The following NAV2 variants were observed in gnomAD, a reference collection of about 807,000 sequenced individuals.
NAV2 encodes helicase, APC down-regulated 1.
In NAV2, 54 loss-of-function variants were observed where a neutral mutation model predicts 223.2. The observed-to-expected ratio is 0.24, with a 90% CI of 0.19 to 0.30. The LOEUF (loss-of-function observed/expected upper bound fraction) is 0.30, where lower values mean the gene tolerates loss of function less well. NAV2 is among the 10% of genes least tolerant of loss of function. The pLI, the probability that NAV2 is intolerant of heterozygous loss-of-function variation, is 1.00. For synonymous variants in NAV2, 1,279 were observed against 1,239.3 expected (o/e 1.03, Z -0.67); for missense variants, 2,806 against 3,147.5 (o/e 0.89, Z 2.60).
chr11:19,840,671 G>C (rs1226126746), intron 2 of NAV2, among the ~76,000 whole-genome samples: 1 of 152,168 alleles, frequency 6.6e-6, no homozygotes, highest in Non-Finnish European at 1.5e-5. Flanking sequence ...AGTGCCATCT[G>C]TCAAGTGTTT....
At chr11:20,072,213 G>GT (rs551723066) in intron 22 of NAV2, among the ~76,000 whole-genome samples, 203 of 152,262 alleles carry the variant, frequency 1.3e-3, no homozygotes, top group Non-Finnish European at 1.9e-3. Flanking sequence ...CCCATTGCTT[G>GT]TTTTTGTCAG....
chr11:19,926,770 A>G (rs1362119855), intron 6 of NAV2, among the ~76,000 whole-genome samples: 2 of 152,212 alleles, frequency 1.3e-5, no homozygotes, highest in Non-Finnish European at 2.9e-5. Flanking sequence ...CCTGTTCTCC[A>G]AAGACTTGGG....
At chr11:19,944,050 A>G (rs1387476961) in intron 8 of NAV2, among the ~76,000 whole-genome samples, 2 of 151,992 alleles carry the variant, frequency 1.3e-5, no homozygotes, top group Non-Finnish European at 2.9e-5. Context: ...ACAAAAAAAA[A>G]TTTAGCCGGG....
intron 34 of NAV2, chr11:20,105,106 G>A (rs2153705535): frequency 6.5e-6 from 1 of 154,792 alleles, no homozygotes; most frequent in African/African-American, 2.4e-5. Flanking sequence ...TGAGCTCCTG[G>A]GAACCAGGAC....
intron 22 of NAV2, among the ~76,000 whole-genome samples, chr11:20,073,235 A>G (rs9737557): frequency 0.33 from 49,933 of 151,724 alleles, 8,995 homozygotes; most frequent in African/African-American, 0.48. Context: ...GATGGATTAC[A>G]TTTATTGATT....
intron 1 of NAV2, among the ~76,000 whole-genome samples, chr11:19,759,044 T>C (rs1006609947): frequency 1.3e-5 from 2 of 151,538 alleles, no homozygotes; most frequent in Non-Finnish European, 2.9e-5. Context: ...GGTGCTTCTG[T>C]GCAATTGATC....
chr11:19,545,903 C>G (rs556797076), intron 1 of NAV2, among the ~76,000 whole-genome samples: 1 of 152,240 alleles, frequency 6.6e-6, no homozygotes, highest in Admixed American at 6.5e-5. Context: ...GCCTTTTAAG[C>G]AGAACTTTTT....
chr11:19,832,824 T>C (rs559888912), intron 2 of NAV2, among the ~76,000 whole-genome samples: 17 of 152,208 alleles, frequency 1.1e-4, no homozygotes, highest in Non-Finnish European at 1.8e-4. Flanking sequence ...TTGATTCTCT[T>C]AGAAGAAAGG....
At position 20,083,192 on chromosome 11, in the gene NAV2, G is replaced by T; in HGVS notation, c.5498+13G>T. The stretch of plus-strand genomic sequence containing the variant: ...ACTCCAACTCTCTGTAAGTCTGTCT[G>T]TCTAGTCAGATAACATCTTTGGCCC... On this transcript the variant is annotated intron_variant, in intron 26 of 37. Coordinates refer to ENST00000349880, the MANE Select transcript of NAV2 (RefSeq NM_145117.5). 1.9e-6 allele frequency: 3 copies of T among 1,605,726 alleles called. No homozygotes were observed. Among genetic ancestry groups the T allele is most frequent in the Non-Finnish European group, 2.6e-6 (3 of 1,175,056 alleles).
intron 1 of NAV2, among the ~76,000 whole-genome samples, chr11:19,450,786 T>C (rs1370215211): frequency 6.6e-6 from 1 of 152,148 alleles, no homozygotes; most frequent in African/African-American, 2.4e-5. Flanking sequence ...GTGTAGAGTT[T>C]TCACCAAATG....
intron 1 of NAV2, among the ~76,000 whole-genome samples, chr11:19,746,484 C>T (rs1481891018): frequency 2.0e-5 from 3 of 152,140 alleles, no homozygotes; most frequent in Non-Finnish European, 2.9e-5. Context: ...CATTAATTAC[C>T]TCTCAACTAC....
At chr11:19,860,190 C>T (rs1239087163) in intron 3 of NAV2, among the ~76,000 whole-genome samples, 1 of 147,172 alleles carries the variant, frequency 6.8e-6, no homozygotes, top group Non-Finnish European at 1.5e-5. Flanking sequence ...ACCTCCCTCC[C>T]AGACGGGGTG....
chr11:19,437,461 T>G (rs1303458210), intron 1 of NAV2, among the ~76,000 whole-genome samples: 4 of 152,150 alleles, frequency 2.6e-5, no homozygotes, highest in Non-Finnish European at 4.4e-5. Context: ...TGCTTCCCTT[T>G]TCTCTTTTCC....
intron 1 of NAV2, among the ~76,000 whole-genome samples, chr11:19,680,828 G>A (rs2048861884): frequency 6.6e-6 from 1 of 152,240 alleles, no homozygotes; most frequent in Non-Finnish European, 1.5e-5. Context: ...TCACGTGAGA[G>A]AACGGTAGGG....
intron 4 of NAV2, among the ~76,000 whole-genome samples, 173 bp from the exon 5 acceptor site, chr11:19,879,696 A>G (rs2063078410): frequency 6.6e-6 from 1 of 152,194 alleles, no homozygotes; most frequent in African/African-American, 2.4e-5. Flanking sequence ...AATGGCGAGA[A>G]TAAGCTAATT....
At chr11:19,872,083 C>T (rs768771520) in intron 4 of NAV2, among the ~76,000 whole-genome samples, 21 of 152,092 alleles carry the variant, frequency 1.4e-4, no homozygotes, top group Non-Finnish European at 1.3e-4. Flanking sequence ...GGGAAAGTGG[C>T]CCCAACGTCT....
intron 11 of NAV2, among the ~76,000 whole-genome samples, chr11:20,030,700 G>A (rs1325410920): frequency 6.6e-6 from 1 of 152,156 alleles, no homozygotes; most frequent in Non-Finnish European, 1.5e-5. Flanking sequence ...AAGCACTTAA[G>A]CAACTCTTGC....
chr11:19,794,083 C>T (rs894691913), intron 1 of NAV2, among the ~76,000 whole-genome samples: 1 of 152,158 alleles, frequency 6.6e-6, no homozygotes, highest in African/African-American at 2.4e-5. Flanking sequence ...AGCCCCATGA[C>T]ATAGGGACAT....
upstream of NAV2, among the ~76,000 whole-genome samples, chr11:19,708,912 AAAAG>A (rs2049763309): frequency 2.6e-5 from 4 of 151,882 alleles, no homozygotes; most frequent in South Asian, 8.3e-4. Context: ...AAAAAAAAAA[AAAAG>A]AAAAAAAGAA....
Sources: gnomAD v4.1 joint callset for allele counts (sites outside exome capture counted in the v4.1 genomes callset) on GRCh38, gnomAD v4.1.1 for gene constraint, MANE v1.5 for transcripts, NCBI Gene and HGNC (gene_info 2026-07-23, HGNC 2026-07-21) for gene names.